Variants in OPCML observed in about 807,000 individuals in gnomAD.
The protein encoded by OPCML is opioid binding protein/cell adhesion molecule like.
Under a neutral mutation model 37.8 loss-of-function variants are expected in OPCML, and 13 were observed. The ratio of observed to expected loss-of-function variants is 0.34; its 90% CI spans 0.22 to 0.55. The LOEUF (loss-of-function observed/expected upper bound fraction) is 0.55, where lower values mean the gene tolerates loss of function less well. OPCML is among the 20% of genes least tolerant of loss of function. OPCML has a pLI of 0.91. For synonymous variants in OPCML, 176 were observed against 168.8 expected, an observed-to-expected ratio of 1.04 and a Z score of -0.33; for missense variants, 341 against 435.6, an observed-to-expected ratio of 0.78 and a Z score of 1.93.
At chr11:133,030,033 C>A (rs991145300) in intron 1 of OPCML, among the ~76,000 whole-genome samples, 2 of 152,120 alleles carry the variant, frequency 1.3e-5, no homozygotes, top group Non-Finnish European at 2.9e-5. Context: ...GGCCCACTGA[C>A]CCCAGAGAGC....
chr11:132,569,252 G>A (rs556529377), intron 3 of OPCML, among the ~76,000 whole-genome samples: 2 of 152,202 alleles, frequency 1.3e-5, no homozygotes, highest in South Asian at 2.1e-4. Flanking sequence ...AATATGCTCC[G>A]TGTCCTCATA....
At chr11:133,381,897 C>G (rs1399880002) in intron 1 of OPCML, among the ~76,000 whole-genome samples, 1 of 152,234 alleles carries the variant, frequency 6.6e-6, no homozygotes, top group East Asian at 1.9e-4. Context: ...GGAAGTATCA[C>G]TCCCTCAACC....
intron 1 of OPCML, among the ~76,000 whole-genome samples, chr11:133,257,371 C>A (rs914936868): frequency 6.6e-6 from 1 of 152,246 alleles, no homozygotes; most frequent in African/African-American, 2.4e-5. Flanking sequence ...TGGGATGATT[C>A]TCATTTTACT....
Position 133,493,127 on chromosome 11 carries a change from T to C in OPCML, c.61+39137A>G, listed in dbSNP as rs141904697. 7.9e-5 allele frequency among the ~76,000 whole-genome samples: 12 copies of C among 152,288 alleles called. No individual in the cohort carries two copies. In the East Asian group the frequency reaches 1.5e-3, roughly 20 times the overall value. On this transcript the variant is annotated intron_variant, in intron 1 of 7. Coordinates refer to ENST00000524381, the MANE Select transcript of OPCML (RefSeq NM_001012393.5). ...GGGACCAGTGATGACAAGCGCAGGA[T>C]TGAGGAGCTCATGACCTTGCCCCCC...
chr11:132,595,211 G>C (rs547617740), intron 3 of OPCML, among the ~76,000 whole-genome samples: 48 of 152,184 alleles, frequency 3.2e-4, no homozygotes, highest in African/African-American at 1.0e-3. Flanking sequence ...GGGAGGTCGG[G>C]GAGGTAGGGA....
intron 1 of OPCML, among the ~76,000 whole-genome samples, chr11:133,236,010 A>G (rs186600199): frequency 1.3e-5 from 2 of 152,278 alleles, no homozygotes; most frequent in East Asian, 3.9e-4. Context: ...CGTTATATAT[A>G]CTATGTTTTC....
chr11:133,268,342 T>A (rs928557284), intron 1 of OPCML, among the ~76,000 whole-genome samples: 9 of 152,230 alleles, frequency 5.9e-5, no homozygotes, highest in Admixed American at 1.3e-4. Flanking sequence ...CCATAAACAT[T>A]CTTATTCTGT....
Position 132,950,014 on chromosome 11 carries a change from C to T in OPCML, c.62-7004G>A, listed in dbSNP as rs575835585. On this transcript the variant is annotated intron_variant, in intron 1 of 7. Transcript: ENST00000524381. The stretch of plus-strand genomic sequence containing the variant: ...CGGCTGAGTGAAGGTTGGAGCTGAG[C>T]AAACAAACACCATAGAGGCATATGG... Among the ~76,000 whole-genome samples the T allele has an allele frequency of 3.3e-5, 5 of 152,254 alleles. No individual in the cohort carries two copies. The South Asian group carries it at 1.0e-3, about 32-fold the overall frequency.
At chr11:133,491,061 A>G (rs1247210508) in intron 1 of OPCML, among the ~76,000 whole-genome samples, 1 of 152,216 alleles carries the variant, frequency 6.6e-6, no homozygotes, top group African/African-American at 2.4e-5. Flanking sequence ...TATCGAATGA[A>G]TGAGTGAGTG....
chr11:132,829,624 G>A (rs1346235774), intron 2 of OPCML, among the ~76,000 whole-genome samples: 1 of 152,168 alleles, frequency 6.6e-6, no homozygotes, highest in East Asian at 1.9e-4. Flanking sequence ...CCTGTCCGGT[G>A]TTGGCCTACA....
intron 4 of OPCML, among the ~76,000 whole-genome samples, chr11:132,471,335 TCA>T (rs1437500296): frequency 3.3e-5 from 5 of 152,192 alleles, no homozygotes; most frequent in African/African-American, 1.2e-4. Flanking sequence ...TCCTCTTGAC[TCA>T]GTTATCTATT....
chr11:132,743,168 G>C (rs1347353910), intron 2 of OPCML, among the ~76,000 whole-genome samples: 1 of 152,146 alleles, frequency 6.6e-6, no homozygotes, highest in Non-Finnish European at 1.5e-5. Context: ...TCAGGAACTG[G>C]TGAGCAGAGC....
chr11:132,783,340 C>A (rs1448565477), intron 2 of OPCML, among the ~76,000 whole-genome samples: 2 of 151,848 alleles, frequency 1.3e-5, no homozygotes, highest in Admixed American at 6.5e-5. Flanking sequence ...ATACATGAGA[C>A]CTTTTGCTTT....
At chr11:133,394,255 T>G (rs1218653569) in intron 1 of OPCML, among the ~76,000 whole-genome samples, 1 of 152,162 alleles carries the variant, frequency 6.6e-6, no homozygotes, top group Non-Finnish European at 1.5e-5. Context: ...CGTCTCTCAT[T>G]CTTTTTTTAA....
intron 3 of OPCML, among the ~76,000 whole-genome samples, chr11:132,608,942 AC>A (rs1938470224): frequency 6.6e-6 from 1 of 151,950 alleles, no homozygotes; most frequent in South Asian, 2.1e-4. Context: ...TTTCATTGCC[AC>A]CACTTTGGCC....
intron 2 of OPCML, among the ~76,000 whole-genome samples, chr11:132,730,556 CT>C (rs1413082206): frequency 6.6e-6 from 1 of 152,072 alleles, no homozygotes; most frequent in Non-Finnish European, 1.5e-5. Context: ...AGATAACCCC[CT>C]GGAGAAGCAC....
Position 133,516,617 on chromosome 11 carries a change from G to A in OPCML, c.61+15647C>T, listed in dbSNP as rs528282112. On this transcript the variant is annotated intron_variant, in intron 1 of 7. Coordinates refer to ENST00000524381, the MANE Select transcript of OPCML (RefSeq NM_001012393.5). ...GCTGAATTTCTCCTCAGGGGCAAGG[G>A]TGCTTTCCAGCCTAAACCAGGAAAG... Among the ~76,000 whole-genome samples, 98 of 152,172 alleles carry A rather than the reference G, an allele frequency of 6.4e-4. 1 individual carries two copies. Among genetic ancestry groups the A allele is most frequent in the Middle Eastern group, 3.4e-3 (1 of 294 alleles).
chr11:133,508,463 T>C (rs191450009), intron 1 of OPCML, among the ~76,000 whole-genome samples: 133 of 152,328 alleles, frequency 8.7e-4, no homozygotes, highest in Non-Finnish European at 1.6e-3. Context: ...GTTTCCCAAA[T>C]GGAGCAAGTT....
intron 2 of OPCML, among the ~76,000 whole-genome samples, chr11:132,705,638 G>A (rs931749385): frequency 2.6e-5 from 4 of 151,914 alleles, no homozygotes; most frequent in South Asian, 2.1e-4. Flanking sequence ...AATTCCCCCC[G>A]CCCTTGCTCC....
Sources: allele counts gnomAD v4.1 joint callset (sites outside exome capture counted in the v4.1 genomes callset), GRCh38; gene constraint gnomAD v4.1.1; transcripts MANE v1.5; gene names NCBI Gene and HGNC (gene_info 2026-07-23, HGNC 2026-07-21).